NELL2: variants seen among roughly 807,000 people sequenced by gnomAD.
The protein encoded by NELL2 is protein kinase C-binding protein NELL2.
Under a neutral mutation model 109.6 loss-of-function variants are expected in NELL2, and 41 were observed. That is an observed-to-expected ratio of 0.37 (90% confidence interval 0.29 to 0.49). The LOEUF (loss-of-function observed/expected upper bound fraction) is 0.49. Ranked by LOEUF, NELL2 falls within the 20% of genes least tolerant of loss-of-function variation. The pLI is 0.98. For synonymous variants in NELL2, 355 were observed against 344.7 expected (o/e 1.03, Z -0.33); for missense variants, 900 against 1,008.3 (o/e 0.89, Z 1.45).
chr12:44,882,593 T>C (rs1048939718), intron 1 of NELL2, among the ~76,000 whole-genome samples: 39 of 151,662 alleles, frequency 2.6e-4, no homozygotes, highest in African/African-American at 9.5e-4. Flanking sequence ...AGTGGCACCG[T>C]CTCAGCTCAC....
intron 2 of NELL2, among the ~76,000 whole-genome samples, chr12:44,857,516 A>C (rs1262795367): frequency 6.6e-6 from 1 of 152,188 alleles, no homozygotes; most frequent in East Asian, 1.9e-4. Context: ...CTGAAATCTT[A>C]TCCTCCATCA....
chr12:44,555,486 C>T (rs1943217298), intron 15 of NELL2, among the ~76,000 whole-genome samples: 1 of 152,100 alleles, frequency 6.6e-6, no homozygotes, highest in Non-Finnish European at 1.5e-5. Context: ...TTTCCTAAAG[C>T]TCATTAGCCA....
intron 15 of NELL2, among the ~76,000 whole-genome samples, chr12:44,586,854 G>A (rs895890228): frequency 3.3e-5 from 5 of 152,144 alleles, no homozygotes; most frequent in Non-Finnish European, 5.9e-5. Flanking sequence ...CGTTTCCAAT[G>A]CCCTGCACAA....
intron 19 of NELL2, among the ~76,000 whole-genome samples, chr12:44,510,301 C>G (rs1326863985): frequency 1.3e-5 from 2 of 152,162 alleles, no homozygotes. Flanking sequence ...TATTAATAGT[C>G]ACACGTTTTA....
chr12:44,541,472 G>A (rs1942568912), intron 15 of NELL2, among the ~76,000 whole-genome samples: 1 of 151,894 alleles, frequency 6.6e-6, no homozygotes, highest in Non-Finnish European at 1.5e-5. Context: ...AGACTTGGAG[G>A]ATCAAGTAGA....
At chr12:44,574,210 A>T (rs4768558) in intron 15 of NELL2, among the ~76,000 whole-genome samples, 129,438 of 152,072 alleles carry the variant, frequency 0.85, 55,512 homozygotes, top group East Asian at 1. Flanking sequence ...GTTTAAGTGA[A>T]CCTGCCTCAG....
chr12:44,921,695 G>GA (rs1945869153), intron 1 of NELL2: 1 of 152,080 alleles, frequency 6.6e-6, no homozygotes. Context: ...TGTTTGATAG[G>GA]AAAAAATGAC....
chr12:44,658,856 G>A lies in NELL2; in HGVS notation c.1444+6628C>T, dbSNP rs111549935. Among the ~76,000 whole-genome samples the A allele has an allele frequency of 5.1e-3, 595 of 117,260 alleles. 1 individual carries two copies. The Middle Eastern group carries it at 0.06, about 12-fold the overall frequency. 76.9% of individuals were successfully genotyped at this position (117,260 alleles called of 152,430 possible). ...CGCACCACTGCACTCCAGCCTGGGC[G>A]ACAGAGCAAGACTCTGTCTCCAAAA... is the stretch of plus-strand genomic sequence containing the variant. On this transcript the variant is annotated intron_variant, in intron 13 of 19. Transcript: ENST00000429094.
At chr12:44,889,720 G>A (rs866619301) in intron 1 of NELL2, among the ~76,000 whole-genome samples, 6 of 150,644 alleles carry the variant, frequency 4.0e-5, no homozygotes, top group Admixed American at 1.3e-4. Flanking sequence ...AATAAATATA[G>A]CAGTCATTAA....
In NELL2 at chr12:44,665,500, A is replaced by C. The variant is rs1299981832; in HGVS notation, c.1428T>G (p.Asp476Glu). The change falls in exon 13 of 20, where the codon GAT becomes GAG. Residue 476 changes from aspartate to glutamate, a missense_variant. Physicochemically the swap from Asp to Glu is conservative, Grantham distance 45 (BLOSUM62 2). Coordinates refer to ENST00000429094, the MANE Select transcript of NELL2 (RefSeq NM_001145108.2). ...ACCGTTTACCTGTACATGAATAATC[A>C]TCAATTCTGATGTATCCAGTTTTGC... ...CICKTGYIRI[D>E]DYSCTEHDEC... is the part of the protein sequence containing the mutation. The C allele has an allele frequency of 6.2e-7, 1 of 1,612,666 alleles. No homozygotes were observed. Among genetic ancestry groups the C allele is most frequent in the East Asian group, 2.2e-5 (1 of 44,866 alleles).
chr12:44,837,120 C>T (rs1264403345), intron 2 of NELL2, among the ~76,000 whole-genome samples: 1 of 152,216 alleles, frequency 6.6e-6, no homozygotes, highest in Non-Finnish European at 1.5e-5. Context: ...ACAAGAGCTA[C>T]TATTTACTGA....
chr12:44,687,056 G>A lies in NELL2; in HGVS notation c.1318+16670C>T, dbSNP rs549182127. Among the ~76,000 whole-genome samples the A allele has an allele frequency of 2.0e-5, 3 of 152,328 alleles. No homozygotes were observed. In the South Asian group the frequency reaches 6.2e-4, roughly 32 times the overall value. ...AGACTGCTATGCTAGCAATCAGCGA[G>A]ACTCCACGGGCATAGGACCCTCCGA... On this transcript the variant is annotated intron_variant, in intron 12 of 19. Coordinates refer to ENST00000429094, the MANE Select transcript of NELL2 (RefSeq NM_001145108.2).
At chr12:44,513,957 A>C (rs537911578) in intron 19 of NELL2, among the ~76,000 whole-genome samples, 83 of 151,754 alleles carry the variant, frequency 5.5e-4, no homozygotes, top group African/African-American at 1.8e-3. Context: ...AAGACCAAAA[A>C]AAAAAAAAAT....
At chr12:44,522,494 A>G (rs1333486672) in intron 17 of NELL2, among the ~76,000 whole-genome samples, 1 of 152,148 alleles carries the variant, frequency 6.6e-6, no homozygotes, top group Non-Finnish European at 1.5e-5. Flanking sequence ...ATATTTGTAT[A>G]TTAGTATGGT....
chr12:44,523,491 A>G lies in NELL2; in HGVS notation c.1805-7T>C, dbSNP rs765364103. The G allele has an allele frequency of 1.1e-5, 17 of 1,612,022 alleles. No individual in the cohort carries two copies. The highest frequency in any genetic ancestry group is 1.4e-5 in the Non-Finnish European group (16 of 1,179,872). On this transcript the variant is annotated splice_polypyrimidine_tract_variant and splice_region_variant and intron_variant, in intron 16 of 19. Coordinates refer to ENST00000429094, the MANE Select transcript of NELL2 (RefSeq NM_001145108.2). ...GTCCCACACTCATCAATATCTATAGACAAGAAAAAGCAGCACTCAATGTGC... is the reference window on the plus strand; with the variant it reads ...GTCCCACACTCATCAATATCTATAGGCAAGAAAAAGCAGCACTCAATGTGC...
At position 44,508,979 on chromosome 12, in the gene NELL2, G is replaced by A. The variant is rs1340302019; in HGVS notation, c.2406C>T (p.Gly802=). Residue 802 remains glycine, a synonymous_variant, in exon 20 of 20, where the codon GGC becomes GGT. Coordinates refer to ENST00000429094, the MANE Select transcript of NELL2 (RefSeq NM_001145108.2). ...GTGGATCCACTGAGCAACAGATGTG[G>A]CCATTCTAGATTTAAAAAAAGTAGA... ...TECTLCQCKN[G]HICCSVDPQC... The A allele has an allele frequency of 3.7e-6, 6 of 1,611,826 alleles. No homozygotes were observed. Among genetic ancestry groups the A allele is most frequent in the South Asian group, 1.1e-5 (1 of 90,878 alleles).
At chr12:44,789,317 C>A (rs1031109713) in intron 3 of NELL2, among the ~76,000 whole-genome samples, 1 of 152,196 alleles carries the variant, frequency 6.6e-6, no homozygotes, top group African/African-American at 2.4e-5. Flanking sequence ...AGACAATCCC[C>A]AGTACCAGTA....
In NELL2 at chr12:44,874,832, T is replaced by C. The variant is rs182591835; in HGVS notation, c.184+393A>G. Among the ~76,000 whole-genome samples the C allele has an allele frequency of 2.0e-5, 3 of 152,322 alleles. No homozygotes were observed. The East Asian group carries it at 5.8e-4, about 29-fold the overall frequency. On this transcript the variant is annotated intron_variant, in intron 2 of 19. Coordinates refer to ENST00000429094, the MANE Select transcript of NELL2 (RefSeq NM_001145108.2). ...AATTCCTCCAAGCAGGGCACCATCG[T>C]ACCTGAAACTTTCAGAGATCAGTGT...
rs372754506 is a variant in NELL2, at chr12:44,509,886, AC to A, written c.2401-903del. On this transcript the variant is annotated intron_variant, in intron 19 of 19. Transcript: ENST00000429094. ...GTGATATTTAAACCGAGACCTGGAG[AC>A]TGCATGAAAAGGTGGCCAAACGCAC... Among the ~76,000 whole-genome samples, 71 of 152,224 alleles carry A rather than the reference AC, an allele frequency of 4.7e-4. 1 individual carries two copies. In the East Asian group the frequency reaches 0.012, roughly 26 times the overall value.
Sources: gnomAD v4.1 joint callset for allele counts (sites outside exome capture counted in the v4.1 genomes callset) on GRCh38, gnomAD v4.1.1 for gene constraint, MANE v1.5 for transcripts, NCBI Gene and HGNC (gene_info 2026-07-23, HGNC 2026-07-21) for gene names.